The following EAF1 variants were observed in gnomAD, a reference collection of about 807,000 sequenced individuals.
The protein encoded by EAF1 is ELL associated factor 1.
A neutral mutation model predicts 26.6 loss-of-function variants in EAF1; 19 were observed. That is an observed-to-expected ratio of 0.71 (90% CI 0.50 to 1.05). EAF1 has a LOEUF of 1.05. EAF1 is among the 50% of genes least tolerant of loss of function. The pLI is 0.00. For synonymous variants in EAF1, 102 were observed against 120.6 expected (o/e 0.85, Z 1.01); for missense variants, 260 against 335.5 (o/e 0.78, Z 1.76).
Position 15,429,940 on chromosome 3 carries a change from C to T in EAF1, c.131C>T (p.Thr44Ile). 1 of 1,613,488 alleles carries T rather than the reference C, an allele frequency of 6.2e-7. No homozygotes were observed. The highest frequency in any genetic ancestry group is 8.5e-7 in the Non-Finnish European group (1 of 1,179,760). The part of the protein sequence containing the change: ...RYDFKPASID[T>I]SCEGELQVGK... ...GATTTTAAACCAGCATCTATAGACACTTCCTGTGAAGGAGAGCTTCAAGTT... is the reference window on the plus strand; with the variant it reads ...GATTTTAAACCAGCATCTATAGACATTTCCTGTGAAGGAGAGCTTCAAGTT... Residue 44 changes from threonine (T) to isoleucine (I), a missense_variant, in exon 2 of 6, where the codon ACT becomes ATT. Transcript: ENST00000396842.
Position 15,441,055 on chromosome 3 carries a change from T to C in EAF1, c.*1900T>C, listed in dbSNP as rs2061866386. 1 of 152,532 alleles carries C rather than the reference T, an allele frequency of 6.6e-6. No individual in the cohort carries two copies. Among genetic ancestry groups the C allele is most frequent in the Admixed American group, 6.5e-5 (1 of 15,274 alleles). 9.4% of individuals were successfully genotyped at this position (152,532 alleles called of 1,614,324 possible). ...TTTCTGTAGACAGAACTATGGTTTT[T>C]GGCATGTTGGGTCAAGACGTGTTTC... On this transcript the variant is annotated 3_prime_UTR_variant, in exon 6 of 6. Coordinates refer to ENST00000396842, the MANE Select transcript of EAF1 (RefSeq NM_033083.7).
intron 5 of EAF1, chr3:15,438,874 A>T (rs1009772956): frequency 4.7e-6 from 2 of 424,424 alleles, no homozygotes; most frequent in South Asian, 8.4e-5. Context: ...AAAGTTATCC[A>T]GCTTACTTCT....
At position 15,432,174 on chromosome 3, in the gene EAF1, G is replaced by A. The variant is rs528276185; in HGVS notation, c.286G>A (p.Glu96Lys). 1 of 1,614,160 alleles carries A rather than the reference G, an allele frequency of 6.2e-7. No homozygotes were observed. Among genetic ancestry groups the A allele is most frequent in the East Asian group, 2.2e-5 (1 of 44,866 alleles). Residue 96 changes from glutamate to lysine, a missense_variant, in exon 3 of 6, where the codon GAA (glutamate) becomes AAA (lysine). Physicochemically the swap from Glu to Lys is moderately conservative, Grantham distance 56 (BLOSUM62 1). Transcript: ENST00000396842. ...GCTTATTATTAATCATGACACTGGT[G>A]AATATGTGCTGGAAAAACTCAGTAG... ...CVLIINHDTG[E>K]YVLEKLSSSI...
Position 15,427,640 on chromosome 3 carries a change from C to T in EAF1, c.-140C>T, listed in dbSNP as rs1320745011. Reference sequence around the variant, plus strand: ...AGAGGAGAGAACTTGCTTCTGGACCCGGGTGGGTGCCGGCTCGGCTCTCCT... The same window carrying T: ...AGAGGAGAGAACTTGCTTCTGGACCTGGGTGGGTGCCGGCTCGGCTCTCCT... On this transcript the variant is annotated 5_prime_UTR_variant, in exon 1 of 6. Transcript: ENST00000396842. 11 of 829,478 alleles carry T rather than the reference C, an allele frequency of 1.3e-5. No homozygotes were observed. The highest frequency in any genetic ancestry group is 1.1e-4 in the East Asian group (4 of 35,822). 51.4% of individuals were successfully genotyped at this position (829,478 alleles called of 1,614,324 possible). A position where few individuals can be genotyped will look rare whatever the true frequency, so the allele number is the denominator to read the frequency against.
rs1335154996 is a variant in EAF1 at position 15,441,964 on chromosome 3, T to C, written c.*2809T>C. The C allele has an allele frequency of 1.3e-5, 2 of 152,680 alleles. No individual in the cohort carries two copies. Among genetic ancestry groups the C allele is most frequent in the African/African-American group, 2.4e-5 (1 of 41,466 alleles). The allele number at this position is 152,680 out of a possible 1,614,324, so 9.5% of individuals were successfully genotyped here. ...TGTACTGTGGGTCATTTAGATGAGA[T>C]GAAAAACTTAATTAAATCTGAAGTG... On this transcript the variant is annotated 3_prime_UTR_variant, in exon 6 of 6. Coordinates refer to ENST00000396842, the MANE Select transcript of EAF1 (RefSeq NM_033083.7).
intron 4 of EAF1, among the ~76,000 whole-genome samples, chr3:15,435,121 C>T (rs1037513261): frequency 6.6e-6 from 1 of 152,088 alleles, no homozygotes; most frequent in African/African-American, 2.4e-5. Flanking sequence ...TTTTAAAATA[C>T]CATAAGCAAA....
chr3:15,431,596 C>A (rs549205385), intron 2 of EAF1, among the ~76,000 whole-genome samples: 348 of 152,242 alleles, frequency 2.3e-3, no homozygotes, highest in African/African-American at 7.9e-3. Flanking sequence ...GGCCTGAGAG[C>A]AATTGAGGAG....
intron 2 of EAF1, 131 bp downstream of exon 2, chr3:15,430,138 A>T: frequency 2.9e-6 from 2 of 683,742 alleles, no homozygotes; most frequent in South Asian, 2.0e-5. Flanking sequence ...GAAAAAAGTA[A>T]TTTTGGGGAG....
intron 1 of EAF1, among the ~76,000 whole-genome samples, chr3:15,429,310 G>A (rs577141809): frequency 1.3e-5 from 2 of 151,810 alleles, no homozygotes; most frequent in African/African-American, 2.4e-5. Context: ...GACCAGCCTG[G>A]GCAGCATAGT....
In EAF1 at chr3:15,439,311, TTAG is replaced by T; in HGVS notation, c.*158_*160del. The T allele has an allele frequency of 1.7e-6, 1 of 575,638 alleles. No individual in the cohort carries two copies. The highest frequency in any genetic ancestry group is 3.0e-6 in the Non-Finnish European group (1 of 338,438). 35.7% of individuals were successfully genotyped at this position (575,638 alleles called of 1,614,324 possible). A position where few individuals can be genotyped will look rare whatever the true frequency, so the allele number is the denominator to read the frequency against. ...ACTCTCACATATTCAAGTCTTTAAC[TTAG>T]TGGTGATGGGTGATTTTCTCGTGTC... On this transcript the variant is annotated 3_prime_UTR_variant, in exon 6 of 6. Coordinates refer to ENST00000396842, the MANE Select transcript of EAF1 (RefSeq NM_033083.7).
In EAF1 at chr3:15,432,183, C is replaced by T; in HGVS notation, c.295C>T (p.Leu99=). The change falls in exon 3 of 6, where the codon CTG becomes TTG. Residue 99 remains leucine, a synonymous_variant. Coordinates refer to ENST00000396842, the MANE Select transcript of EAF1 (RefSeq NM_033083.7). The part of the protein sequence containing the change: ...IINHDTGEYV[L]EKLSSSIQVK... ...TAATCATGACACTGGTGAATATGTG[C>T]TGGAAAAACTCAGTAGCAGCATTCA... The T allele has an allele frequency of 6.2e-7, 1 of 1,614,088 alleles. No individual in the cohort carries two copies. Among genetic ancestry groups the T allele is most frequent in the Non-Finnish European group, 8.5e-7 (1 of 1,179,990 alleles).
chr3:15,435,184 T>C (rs906315731), intron 4 of EAF1, among the ~76,000 whole-genome samples: 4 of 152,170 alleles, frequency 2.6e-5, no homozygotes, highest in Non-Finnish European at 4.4e-5. Flanking sequence ...TGAGGACCAA[T>C]AGAAACAGAT....
intron 4 of EAF1, among the ~76,000 whole-genome samples, chr3:15,435,513 G>A (rs2061829378): frequency 6.6e-6 from 1 of 151,768 alleles, no homozygotes. Context: ...ATGCTGTTAT[G>A]GAAGTTTTCA....
At chr3:15,434,306 C>T (rs921652984) in intron 3 of EAF1, 42 bp from the exon 4 acceptor site, 1 of 1,598,130 alleles carries the variant, frequency 6.3e-7, no homozygotes, top group Admixed American at 1.7e-5. Flanking sequence ...TTGAGAACCA[C>T]TATTTTTGCC....
chr3:15,432,247 T>C, intron 3 of EAF1, 24 bp downstream of exon 3: 1 of 1,612,878 alleles, frequency 6.2e-7, no homozygotes, highest in Non-Finnish European at 8.5e-7. Context: ...CAGATGCAGG[T>C]TTATATCATG....
chr3:15,430,447 G>A (rs1263865984), intron 2 of EAF1, among the ~76,000 whole-genome samples: 2 of 132,698 alleles, frequency 1.5e-5, no homozygotes, highest in African/African-American at 6.3e-5. Flanking sequence ...GCGACAGAGT[G>A]AGACTCCCCC....
In EAF1 at chr3:15,439,738, A is replaced by T. The variant is rs573020593; in HGVS notation, c.*583A>T. 6.6e-6 allele frequency: 1 copy of T among 152,272 alleles called. No homozygotes were observed. Among genetic ancestry groups the T allele is most frequent in the African/African-American group, 2.4e-5 (1 of 41,446 alleles). The allele number at this position is 152,272 out of a possible 1,614,324, so 9.4% of individuals were successfully genotyped here. A position where few individuals can be genotyped will look rare whatever the true frequency, so the allele number is the denominator to read the frequency against. ...GAGTGTCAGTTGGTGAGGACCATGG[A>T]GTCCTGCCAGCTCAACCTGTCATTT... On this transcript the variant is annotated 3_prime_UTR_variant, in exon 6 of 6. Coordinates refer to ENST00000396842, the MANE Select transcript of EAF1 (RefSeq NM_033083.7).
intron 5 of EAF1, chr3:15,438,856 A>G (rs1474157535): frequency 5.4e-6 from 2 of 368,528 alleles, no homozygotes; most frequent in African/African-American, 4.2e-5. Flanking sequence ...TATTTATTAA[A>G]CCATTTAAAA....
At chr3:15,436,887 GCT>G (rs910875439) in intron 5 of EAF1, among the ~76,000 whole-genome samples, 2 of 152,080 alleles carry the variant, frequency 1.3e-5, no homozygotes, top group African/African-American at 4.8e-5. Flanking sequence ...CCACCATACT[GCT>G]CTCTGCCCAT....
Sources: allele counts gnomAD v4.1 joint callset (sites outside exome capture counted in the v4.1 genomes callset), GRCh38; gene constraint gnomAD v4.1.1; transcripts MANE v1.5; gene names NCBI Gene and HGNC (gene_info 2026-07-23, HGNC 2026-07-21).